Variants in HDHD5 observed in about 807,000 individuals in gnomAD.
The protein encoded by HDHD5 is haloacid dehalogenase like hydrolase domain containing 5.
Under a neutral mutation model 35.5 loss-of-function variants are expected in HDHD5, and 34 were observed. The observed-to-expected ratio is 0.96, with a 90% CI of 0.73 to 1.28. The LOEUF is 1.28. HDHD5 is among the 50% of genes most tolerant of loss of function. HDHD5 has a pLI of 0.00. For synonymous variants in HDHD5, 248 were observed against 240.6 expected, an observed-to-expected ratio of 1.03 and a Z score of -0.29; for missense variants, 589 against 560.2, an observed-to-expected ratio of 1.05 and a Z score of -0.52.
At chr22:17,160,800 T>C (rs1022607033), upstream of HDHD5, among the ~76,000 whole-genome samples, 4 of 152,142 alleles carry the variant, frequency 2.6e-5, no homozygotes, top group Admixed American at 1.3e-4. Context: ...AAACTCACAA[T>C]AGCCCGACAC....
chr22:17,145,030 C>CT lies in HDHD5; in HGVS notation c.530dup (p.Thr178AspfsTer8), dbSNP rs763098773. On this transcript the variant is annotated frameshift_variant, in exon 4 of 8. Transcript: ENST00000336737. LOFTEE classifies it high-confidence loss of function. ...AACCCATGCTCCTTATTACCGTGGTCTTTAGCCGCCGCTCCAGGTCCACCA... is the reference window on the plus strand; with the variant it reads ...AACCCATGCTCCTTATTACCGTGGTCTTTTAGCCGCCGCTCCAGGTCCACCA... The CT allele has an allele frequency of 1.9e-6, 3 of 1,613,850 alleles. No homozygotes were observed. The highest frequency in any genetic ancestry group is 2.5e-6 in the Non-Finnish European group (3 of 1,179,978).
intron 1 of HDHD5, among the ~76,000 whole-genome samples, chr22:17,154,326 T>C (rs2061760702): frequency 6.6e-6 from 1 of 151,236 alleles, no homozygotes; most frequent in South Asian, 2.1e-4. Flanking sequence ...CTATTAAAAA[T>C]ACAAAATTAG....
In HDHD5 at chr22:17,156,321, T is replaced by A. The variant is rs1052648679; in HGVS notation, c.126+2805A>T. Among the ~76,000 whole-genome samples, 34 of 151,674 alleles carry A rather than the reference T, an allele frequency of 2.2e-4. No individual in the cohort carries two copies. The East Asian group carries it at 2.3e-3, about 10-fold the overall frequency. On this transcript the variant is annotated intron_variant, in intron 1 of 7. Coordinates refer to ENST00000336737, the MANE Select transcript of HDHD5 (RefSeq NM_033070.3). ...TTTTAACAAAAGTTAAAAAAAAAAA[T>A]TTTTTTTAAGGTAGGGCACTGTGGC...
Position 17,138,708 on chromosome 22 carries a change from C to T in HDHD5, c.777G>A (p.Leu259=), listed in dbSNP as rs1157718406. 1.2e-6 allele frequency: 2 copies of T among 1,614,220 alleles called. No individual in the cohort carries two copies. Among genetic ancestry groups the T allele is most frequent in the African/African-American group, 1.3e-5 (1 of 75,048 alleles). Residue 259 remains leucine (L), a synonymous_variant, in exon 7 of 8, where the codon CTG becomes CTA. Coordinates refer to ENST00000336737, the MANE Select transcript of HDHD5 (RefSeq NM_033070.3). ...CCGTCACTTTCTGGTAAATGGTTTC[C>T]AGGCACAGCAGAAAGGTGCCATGTC... ...RFGHGTFLLC[L]ETIYQKVTGK...
chr22:17,143,239 G>A, intron 4 of HDHD5, 108 bp from the exon 5 acceptor site: 1 of 1,215,642 alleles, frequency 8.2e-7, no homozygotes, highest in Non-Finnish European at 1.2e-6. Context: ...ACACTCCACA[G>A]ACCCCACACC....
Position 17,159,196 on chromosome 22 carries a change from C to T in HDHD5, c.56G>A (p.Arg19Gln), listed in dbSNP as rs2061839789. The T allele has an allele frequency of 4.1e-6, 5 of 1,216,768 alleles. No individual in the cohort carries two copies. Among genetic ancestry groups the T allele is most frequent in the Non-Finnish European group, 4.1e-6 (4 of 978,588 alleles). The allele number at this position is 1,216,768 out of a possible 1,614,324, so 75.4% of individuals were successfully genotyped here. A position where few individuals can be genotyped will look rare whatever the true frequency, so the allele number is the denominator to read the frequency against. ...GAGCCCCGCAGCCGCGCGCGCCGCC[C>T]GCCAGCAAAGCCCACGCGCCGCGCC... is the stretch of plus-strand genomic sequence containing the variant. ...ALGAARGLCW[R>Q]AARAAAGLQG... Residue 19 changes from arginine to glutamine, a missense_variant, in exon 1 of 8, where the codon CGG becomes CAG. Transcript: ENST00000336737.
intron 4 of HDHD5, 91 bp downstream of exon 4, chr22:17,144,933 C>A: frequency 6.8e-7 from 1 of 1,461,400 alleles, no homozygotes; most frequent in Non-Finnish European, 9.5e-7. Context: ...CACAGCTCTG[C>A]AGGAGGGCTT....
intron 1 of HDHD5, among the ~76,000 whole-genome samples, chr22:17,156,253 C>T (rs1394985713): frequency 6.6e-6 from 1 of 152,104 alleles, no homozygotes; most frequent in Non-Finnish European, 1.5e-5. Flanking sequence ...TTACCTGACC[C>T]GACCTTATGT....
intron 1 of HDHD5, among the ~76,000 whole-genome samples, chr22:17,157,115 A>ACACACACAC (rs1244963563): frequency 5.1e-4 from 41 of 81,010 alleles, no homozygotes; most frequent in Admixed American, 1.2e-3. Context: ...CACACACACA[A>ACACACACAC]AAGAAAAAAG....
intron 1 of HDHD5, chr22:17,165,147 G>T (rs1479128022): frequency 2.7e-6 from 2 of 745,684 alleles, no homozygotes; most frequent in East Asian, 2.5e-5. Context: ...CCCTGAAAAT[G>T]GGACTTCTGT....
intron 1 of HDHD5, chr22:17,158,722 G>A (rs1032671603): frequency 1.9e-5 from 3 of 154,374 alleles, no homozygotes; most frequent in African/African-American, 4.8e-5. Flanking sequence ...GCACTTGGGG[G>A]CGGAGCACCC....
At chr22:17,144,597 A>G (rs2061638108) in intron 4 of HDHD5, among the ~76,000 whole-genome samples, 1 of 152,064 alleles carries the variant, frequency 6.6e-6, no homozygotes, top group Non-Finnish European at 1.5e-5. Flanking sequence ...TATTTTTAGT[A>G]GAGACGGGGT....
At chr22:17,138,851 T>G in intron 6 of HDHD5, 113 bp from the exon 7 acceptor site, 1 of 1,177,690 alleles carries the variant, frequency 8.5e-7, no homozygotes, top group Non-Finnish European at 1.2e-6. Flanking sequence ...TTCCCCAGGG[T>G]AAGAGCTGAC....
At chr22:17,159,093 CG>C in intron 1 of HDHD5, 32 bp downstream of exon 1, 1 of 1,238,554 alleles carries the variant, frequency 8.1e-7, no homozygotes, top group Non-Finnish European at 1.0e-6. Flanking sequence ...CCCTGAGTGG[CG>C]AGTGGCTCGG....
At chr22:17,145,349 G>C (rs1306743236) in intron 3 of HDHD5, among the ~76,000 whole-genome samples, 1 of 152,204 alleles carries the variant, frequency 6.6e-6, no homozygotes, top group African/African-American at 2.4e-5. Context: ...GCAGTCACCA[G>C]GCACATGCCA....
intron 1 of HDHD5, among the ~76,000 whole-genome samples, chr22:17,150,095 G>A (rs1473008872): frequency 1.3e-4 from 20 of 151,988 alleles, no homozygotes; most frequent in Admixed American, 9.2e-4. Context: ...ATTATTAGGC[G>A]TGAGCCACCG....
Position 17,141,042 on chromosome 22 carries a change from G to A in HDHD5, c.746+17C>T, listed in dbSNP as rs754348343. 11 of 1,563,218 alleles carry A rather than the reference G, an allele frequency of 7.0e-6. No individual in the cohort carries two copies. The highest frequency in any genetic ancestry group is 8.6e-6 in the Non-Finnish European group (10 of 1,158,048). ...GAATAGACCACCAGGCCAAGGCTGGGAGCTTTGTGTCCTCACCTGGGCATC... is the reference window on the plus strand; with the variant it reads ...GAATAGACCACCAGGCCAAGGCTGGAAGCTTTGTGTCCTCACCTGGGCATC... On this transcript the variant is annotated intron_variant, in intron 6 of 7. Transcript: ENST00000336737.
chr22:17,138,062 C>T lies in HDHD5; in HGVS notation c.1231G>A (p.Val411Met), dbSNP rs757346994. Residue 411 changes from valine to methionine, a missense_variant, in exon 8 of 8, where the codon GTG becomes ATG. Coordinates refer to ENST00000336737, the MANE Select transcript of HDHD5 (RefSeq NM_033070.3). ...CCCTCCTTGCGGAAGACCAGCTGCA[C>T]AGCCTCATTCACGTCATTCACCACG... ...SHVVNDVNEA[V>M]QLVFRKEGWA... The T allele has an allele frequency of 1.2e-6, 2 of 1,613,978 alleles. No individual in the cohort carries two copies. The highest frequency in any genetic ancestry group is 8.5e-7 in the Non-Finnish European group (1 of 1,179,870).
At chr22:17,154,387 C>CAGG (rs3053238) in intron 1 of HDHD5, among the ~76,000 whole-genome samples, 132,549 of 150,898 alleles carry the variant, frequency 0.88, 58,375 homozygotes, top group African/African-American at 0.93. Flanking sequence ...AAGGCTGAGG[C>CAGG]AGAATTGCTT....
Sources: allele counts gnomAD v4.1 joint callset (sites outside exome capture counted in the v4.1 genomes callset), GRCh38; gene constraint gnomAD v4.1.1; transcripts MANE v1.5; gene names NCBI Gene and HGNC (gene_info 2026-07-23, HGNC 2026-07-21).